The following SPOCK1 variants were observed in gnomAD, a reference collection of about 807,000 sequenced individuals.
The protein encoded by SPOCK1 is testican-1.
Under a neutral mutation model 55.3 loss-of-function variants are expected in SPOCK1, and 23 were observed. The ratio of observed to expected loss-of-function variants is 0.42; its 90% confidence interval spans 0.30 to 0.59. The LOEUF (loss-of-function observed/expected upper bound fraction) is 0.59, where lower values mean the gene tolerates loss of function less well. Ranked by LOEUF, SPOCK1 falls within the 20% of genes least tolerant of loss-of-function variation. The pLI, the probability that SPOCK1 is intolerant of heterozygous loss-of-function variation, is 0.22. For synonymous variants in SPOCK1, 226 were observed against 221.0 expected (o/e 1.02, Z -0.20); for missense variants, 499 against 552.5 (o/e 0.90, Z 0.97).
intron 3 of SPOCK1, among the ~76,000 whole-genome samples, chr5:137,196,399 C>T (rs1465121984): frequency 6.6e-6 from 1 of 152,206 alleles, no homozygotes; most frequent in Non-Finnish European, 1.5e-5. Flanking sequence ...GACAGTACTC[C>T]ACAAGGTGCA....
chr5:137,346,813 G>A (rs1750567729), intron 2 of SPOCK1, among the ~76,000 whole-genome samples: 1 of 152,156 alleles, frequency 6.6e-6, no homozygotes, highest in African/African-American at 2.4e-5. Context: ...CAATACGTGA[G>A]CCCTGTCTTC....
intron 2 of SPOCK1, among the ~76,000 whole-genome samples, chr5:137,270,077 G>A (rs1019157746): frequency 1.3e-5 from 2 of 152,198 alleles, no homozygotes; most frequent in African/African-American, 4.8e-5. Flanking sequence ...AGTGCTGTGT[G>A]GGCCCCACAC....
At position 136,977,637 on chromosome 5, in the gene SPOCK1, G is replaced by A. The variant is rs1485030651; in HGVS notation, c.*1017C>T. 1 of 295,724 alleles carries A rather than the reference G, an allele frequency of 3.4e-6. No individual in the cohort carries two copies. Among genetic ancestry groups the A allele is most frequent in the Non-Finnish European group, 5.9e-6 (1 of 170,704 alleles). The allele number at this position is 295,724 out of a possible 1,614,324, so 18.3% of individuals were successfully genotyped here. ...ACCTATGGCAGACAGGATTGCTGCAGCCAAGGGGCTTCAAGCAGAAATGAA... is the reference window on the plus strand; with the variant it reads ...ACCTATGGCAGACAGGATTGCTGCAACCAAGGGGCTTCAAGCAGAAATGAA... On this transcript the variant is annotated 3_prime_UTR_variant, in exon 11 of 11. Coordinates refer to ENST00000394945, the MANE Select transcript of SPOCK1 (RefSeq NM_004598.4).
At chr5:137,156,112 C>G (rs1453404387) in intron 3 of SPOCK1, among the ~76,000 whole-genome samples, 1 of 152,174 alleles carries the variant, frequency 6.6e-6, no homozygotes, top group African/African-American at 2.4e-5. Flanking sequence ...ATGTAAGGGG[C>G]CCCTGGGGTG....
chr5:137,454,776 A>G (rs1269878529), intron 2 of SPOCK1, among the ~76,000 whole-genome samples: 2 of 152,242 alleles, frequency 1.3e-5, no homozygotes, highest in East Asian at 3.9e-4. Flanking sequence ...ACAATTGTTG[A>G]ATCACAGCAA....
At chr5:137,362,478 C>T (rs531580612) in intron 2 of SPOCK1, among the ~76,000 whole-genome samples, 3 of 151,908 alleles carry the variant, frequency 2.0e-5, no homozygotes, top group Admixed American at 6.6e-5. Context: ...TACAGGCGCC[C>T]GCCACCACGC....
At chr5:136,985,077 C>T in intron 9 of SPOCK1, 63 bp downstream of exon 9, 1 of 1,480,540 alleles carries the variant, frequency 6.8e-7, no homozygotes, top group Non-Finnish European at 9.4e-7. Context: ...CCATGCTGAT[C>T]ATTACAAGGG....
intron 2 of SPOCK1, among the ~76,000 whole-genome samples, chr5:137,399,781 A>T (rs911480781): frequency 6.6e-6 from 1 of 152,208 alleles, no homozygotes; most frequent in Non-Finnish European, 1.5e-5. Flanking sequence ...TTAAAAAAAA[A>T]CTAGTAAGTA....
At chr5:137,498,283 CA>C in intron 2 of SPOCK1, 89 bp downstream of exon 2, 1 of 1,277,536 alleles carries the variant, frequency 7.8e-7, no homozygotes, top group Non-Finnish European at 1.0e-6. Context: ...CACACACACA[CA>C]CACACACACA....
chr5:137,275,912 G>T (rs535949537), intron 2 of SPOCK1, among the ~76,000 whole-genome samples: 28 of 152,244 alleles, frequency 1.8e-4, no homozygotes, highest in African/African-American at 6.5e-4. Flanking sequence ...CCTCTGCCTT[G>T]GGTCAGGCCT....
intron 2 of SPOCK1, among the ~76,000 whole-genome samples, chr5:137,338,940 A>AAG (rs1219122537): frequency 3.3e-5 from 5 of 152,220 alleles, no homozygotes; most frequent in African/African-American, 1.2e-4. Flanking sequence ...GGGACTGTCA[A>AAG]TGCCTGACAT....
intron 2 of SPOCK1, among the ~76,000 whole-genome samples, chr5:137,494,637 G>GA (rs1754259564): frequency 6.6e-6 from 1 of 152,098 alleles, no homozygotes; most frequent in African/African-American, 2.4e-5. Context: ...TATGTTTCTA[G>GA]AAAAAATATT....
At chr5:137,268,964 A>C (rs541690594) in intron 2 of SPOCK1, among the ~76,000 whole-genome samples, 31 of 152,250 alleles carry the variant, frequency 2.0e-4, no homozygotes, top group Non-Finnish European at 3.5e-4. Context: ...TGTCAAAGAA[A>C]GGTTTGAGCA....
intron 2 of SPOCK1, among the ~76,000 whole-genome samples, chr5:137,277,641 A>G (rs1485523283): frequency 6.6e-6 from 1 of 152,150 alleles, no homozygotes; most frequent in Non-Finnish European, 1.5e-5. Context: ...GACTCTCATT[A>G]TATCTGAAGC....
rs145693961 is a variant in SPOCK1 at position 137,122,849 on chromosome 5, A to G, written c.348-10288T>C. Reference sequence around the variant, plus strand: ...ACACTTGCTTACATTCCTTGAGGGCAATTAATTATCATGGGATGTGCCCAT... The same window carrying G: ...ACACTTGCTTACATTCCTTGAGGGCGATTAATTATCATGGGATGTGCCCAT... On this transcript the variant is annotated intron_variant, in intron 4 of 10. Transcript: ENST00000394945. Among the ~76,000 whole-genome samples the G allele has an allele frequency of 3.1e-3, 471 of 152,344 alleles. 1 individual carries two copies. Among genetic ancestry groups the G allele is most frequent in the African/African-American group, 0.011 (449 of 41,584 alleles).
chr5:137,317,410 T>G (rs1279243151), intron 2 of SPOCK1, among the ~76,000 whole-genome samples: 1 of 152,110 alleles, frequency 6.6e-6, no homozygotes, highest in African/African-American at 2.4e-5. Flanking sequence ...CTGACCTATA[T>G]TACTGCCGTT....
intron 9 of SPOCK1, among the ~76,000 whole-genome samples, chr5:136,982,704 A>ATAAC (rs997843904): frequency 2.6e-5 from 4 of 152,032 alleles, no homozygotes; most frequent in Non-Finnish European, 5.9e-5. Flanking sequence ...AGGTTGCCAT[A>ATAAC]TAACTATTTT....
At chr5:137,443,921 A>T (rs1237296042) in intron 2 of SPOCK1, among the ~76,000 whole-genome samples, 2 of 152,210 alleles carry the variant, frequency 1.3e-5, no homozygotes, top group Non-Finnish European at 2.9e-5. Context: ...ATCATCTAAA[A>T]GTAGGACAAA....
intron 6 of SPOCK1, among the ~76,000 whole-genome samples, chr5:137,045,067 A>T (rs1379438711): frequency 6.9e-6 from 1 of 145,330 alleles, no homozygotes; most frequent in Non-Finnish European, 1.5e-5. Flanking sequence ...GGTTGGTTCC[A>T]AGTCTTTGCT....
Sources: gnomAD v4.1 joint callset for allele counts (sites outside exome capture counted in the v4.1 genomes callset) on GRCh38, gnomAD v4.1.1 for gene constraint, MANE v1.5 for transcripts, NCBI Gene and HGNC (gene_info 2026-07-23, HGNC 2026-07-21) for gene names.